The following GAS2 variants were observed in gnomAD, a reference collection of about 807,000 sequenced individuals.
The protein encoded by GAS2 is growth arrest-specific protein 2.
Under a neutral mutation model 37.5 loss-of-function variants are expected in GAS2, and 20 were observed. That is an observed-to-expected ratio of 0.53 (90% CI 0.37 to 0.77). The LOEUF (loss-of-function observed/expected upper bound fraction) is 0.77. GAS2 is among the 30% of genes least tolerant of loss of function. The probability of loss-of-function intolerance (pLI) is 0.00; values close to 1 mark genes in which losing one functional copy is unlikely to be tolerated. For synonymous variants in GAS2, 144 were observed against 132.2 expected (o/e 1.09, Z -0.61); for missense variants, 336 against 373.4 (o/e 0.90, Z 0.82).
chr11:22,675,510 T>G (rs550019298), intron 2 of GAS2, among the ~76,000 whole-genome samples: 2 of 152,258 alleles, frequency 1.3e-5, no homozygotes, highest in African/African-American at 4.8e-5. Flanking sequence ...TGAACTAAAA[T>G]TTTTCTTTTC....
intron 3 of GAS2, among the ~76,000 whole-genome samples, chr11:22,698,830 G>A (rs904559646): frequency 2.0e-5 from 3 of 152,160 alleles, no homozygotes; most frequent in Admixed American, 6.6e-5. Flanking sequence ...ATGTGAAGTA[G>A]CATTCATTCA....
chr11:22,736,839 C>G (rs1441757940), intron 4 of GAS2, among the ~76,000 whole-genome samples: 1 of 151,742 alleles, frequency 6.6e-6, no homozygotes, highest in East Asian at 1.9e-4. Flanking sequence ...TCTCTCTTAT[C>G]TTTATTCAGT....
At chr11:22,698,978 G>T (rs1022696912) in intron 3 of GAS2, among the ~76,000 whole-genome samples, 1 of 151,812 alleles carries the variant, frequency 6.6e-6, no homozygotes, top group Non-Finnish European at 1.5e-5. Context: ...ATCTTATTTT[G>T]TGTTTATAAT....
At chr11:22,731,542 T>C (rs986391819) in intron 4 of GAS2, 3 of 166,410 alleles carry the variant, frequency 1.8e-5, no homozygotes, top group Non-Finnish European at 3.9e-5. Context: ...ACAAATTTTT[T>C]TTTGTTTTGT....
chr11:22,762,590 C>T lies in GAS2; in HGVS notation c.723+6637C>T, dbSNP rs117878045. 5.7e-3 allele frequency among the ~76,000 whole-genome samples: 873 copies of T among 152,230 alleles called. 4 individuals carry two copies. The highest frequency in any genetic ancestry group is 9.8e-3 in the Non-Finnish European group (666 of 67,974). On this transcript the variant is annotated intron_variant, in intron 7 of 7. Transcript: ENST00000454584. Reference sequence around the variant, plus strand: ...TACCTTTTATAATATATTTCATGCTCAACCACAGTAAAGTATTTTTACACA... The same window carrying T: ...TACCTTTTATAATATATTTCATGCTTAACCACAGTAAAGTATTTTTACACA...
chr11:22,781,965 T>C (rs190313331), intron 7 of GAS2, among the ~76,000 whole-genome samples: 11 of 152,332 alleles, frequency 7.2e-5, no homozygotes, highest in African/African-American at 2.6e-4. Context: ...AAAAATTGTT[T>C]CTTTATACTA....
intron 7 of GAS2, among the ~76,000 whole-genome samples, chr11:22,800,280 T>C (rs1165599591): frequency 6.6e-6 from 1 of 152,088 alleles, no homozygotes; most frequent in African/African-American, 2.4e-5. Flanking sequence ...TTCCACATTA[T>C]GTATGCTTCT....
intron 3 of GAS2, among the ~76,000 whole-genome samples, chr11:22,710,434 G>A (rs1435456982): frequency 1.3e-5 from 2 of 151,852 alleles, no homozygotes; most frequent in Non-Finnish European, 1.5e-5. Context: ...GGAACATGCA[G>A]AATATTTGTT....
Position 22,726,440 on chromosome 11 carries a change from A to G in GAS2, c.409+7A>G. On this transcript the variant is annotated splice_region_variant and intron_variant, in intron 4 of 7. Transcript: ENST00000454584. ...TTTGAATCGGAAGGTTTGGGTATGT[A>G]TTAACTTCAGAATTTTAGTTGATAA... is the stretch of plus-strand genomic sequence containing the variant. The G allele has an allele frequency of 1.2e-6, 2 of 1,605,512 alleles. No individual in the cohort carries two copies. The highest frequency in any genetic ancestry group is 1.1e-5 in the South Asian group (1 of 89,254).
intron 2 of GAS2, among the ~76,000 whole-genome samples, chr11:22,680,955 G>T (rs1849651718): frequency 6.6e-6 from 1 of 152,092 alleles, no homozygotes; most frequent in Non-Finnish European, 1.5e-5. Flanking sequence ...TCTGTAAAAT[G>T]GATATAATAA....
chr11:22,808,055 T>A (rs926331349), intron 7 of GAS2, among the ~76,000 whole-genome samples: 3 of 152,198 alleles, frequency 2.0e-5, no homozygotes, highest in Non-Finnish European at 4.4e-5. Context: ...ATCAGTTCTA[T>A]GGGACACTTG....
intron 3 of GAS2, among the ~76,000 whole-genome samples, chr11:22,699,175 T>C (rs1447829056): frequency 1.3e-5 from 2 of 152,244 alleles, no homozygotes; most frequent in Non-Finnish European, 2.9e-5. Flanking sequence ...ACAACTTAAC[T>C]CCATACTCTG....
chr11:22,740,202 T>C (rs1852997805), intron 5 of GAS2, among the ~76,000 whole-genome samples: 1 of 152,162 alleles, frequency 6.6e-6, no homozygotes, highest in South Asian at 2.1e-4. Context: ...ATTTTCAAGG[T>C]AATACATTAT....
upstream of GAS2, among the ~76,000 whole-genome samples, chr11:22,661,896 A>C (rs1464249758): frequency 6.6e-6 from 1 of 152,190 alleles, no homozygotes; most frequent in Non-Finnish European, 1.5e-5. Context: ...CAAATTTAGC[A>C]GCTCTCTAAT....
chr11:22,779,192 A>AT (rs1855424630), intron 7 of GAS2, among the ~76,000 whole-genome samples: 1 of 152,014 alleles, frequency 6.6e-6, no homozygotes, highest in African/African-American at 2.4e-5. Flanking sequence ...GGGTCTTGGA[A>AT]TTTTTTTCTT....
At chr11:22,758,326 A>G (rs1590097501) in intron 7 of GAS2, among the ~76,000 whole-genome samples, 1 of 152,144 alleles carries the variant, frequency 6.6e-6, no homozygotes, top group Non-Finnish European at 1.5e-5. Flanking sequence ...ACATGGGCGT[A>G]TTTTAAACTT....
intron 4 of GAS2, among the ~76,000 whole-genome samples, chr11:22,729,147 G>GA (rs1212638376): frequency 2.6e-5 from 4 of 151,746 alleles, no homozygotes; most frequent in African/African-American, 9.7e-5. Flanking sequence ...TGATGAACGG[G>GA]AAAAATGTGT....
chr11:22,739,490 G>A (rs972390804), intron 5 of GAS2, among the ~76,000 whole-genome samples: 11 of 147,902 alleles, frequency 7.4e-5, no homozygotes, highest in African/African-American at 2.7e-4. Flanking sequence ...GGAAAATGGC[G>A]TGAACCTGGG....
At chr11:22,644,219 G>A (rs1278037208) in intron 1 of GAS2, among the ~76,000 whole-genome samples, 4 of 151,956 alleles carry the variant, frequency 2.6e-5, no homozygotes, top group South Asian at 2.1e-4. Context: ...ACTTCCAGAC[G>A]TAATCTGAGT....
Sources: allele counts gnomAD v4.1 joint callset (sites outside exome capture counted in the v4.1 genomes callset), GRCh38; gene constraint gnomAD v4.1.1; transcripts MANE v1.5; gene names NCBI Gene and HGNC (gene_info 2026-07-23, HGNC 2026-07-21).